The following UMAD1 variants were observed in gnomAD, a reference collection of about 807,000 sequenced individuals.
UMAD1 encodes the protein UBAP1-MVB12-associated (UMA)-domain containing protein 1.
In UMAD1, 8 loss-of-function variants were observed where a neutral mutation model predicts 6.1. The observed-to-expected ratio is 1.30, with a 90% CI of 0.76 to 2.35. The LOEUF (loss-of-function observed/expected upper bound fraction) is 2.35. UMAD1 is among the 30% of genes most tolerant of loss of function. The pLI, the probability that UMAD1 is intolerant of heterozygous loss-of-function variation, is 0.00. For synonymous variants in UMAD1, 56 were observed against 31.4 expected, an observed-to-expected ratio of 1.78 and a Z score of -2.61; for missense variants, 130 against 78.4, an observed-to-expected ratio of 1.66 and a Z score of -2.49.
At chr7:7,831,714 T>A (rs1783470711) in intron 3 of UMAD1, among the ~76,000 whole-genome samples, 1 of 152,310 alleles carries the variant, frequency 6.6e-6, no homozygotes, top group South Asian at 2.1e-4. Flanking sequence ...GTTGGGATAA[T>A]TGCCTTTCAT....
chr7:7,741,097 C>G (rs985486948), intron 2 of UMAD1: 1 of 152,090 alleles, frequency 6.6e-6, no homozygotes, highest in Non-Finnish European at 1.5e-5. Context: ...ATTAACGTAG[C>G]TAATAGCATG....
At chr7:7,719,015 A>G (rs180878761) in intron 2 of UMAD1, among the ~76,000 whole-genome samples, 3 of 152,274 alleles carry the variant, frequency 2.0e-5, no homozygotes, top group Admixed American at 2.0e-4. Flanking sequence ...GAAAATTGAA[A>G]TTTTAAAAAA....
At chr7:7,769,621 T>G (rs1782062627) in intron 2 of UMAD1, among the ~76,000 whole-genome samples, 1 of 152,172 alleles carries the variant, frequency 6.6e-6, no homozygotes, top group Non-Finnish European at 1.5e-5. Context: ...TATTGTGGAA[T>G]GTTTCTTTTT....
At chr7:7,806,044 A>G (rs1413835034) in intron 3 of UMAD1, among the ~76,000 whole-genome samples, 1 of 152,202 alleles carries the variant, frequency 6.6e-6, no homozygotes, top group Non-Finnish European at 1.5e-5. Flanking sequence ...TCCATCTGCC[A>G]GGTTAAAGGC....
intron 1 of UMAD1, among the ~76,000 whole-genome samples, chr7:7,665,591 A>G (rs1473504848): frequency 6.6e-6 from 1 of 152,198 alleles, no homozygotes; most frequent in African/African-American, 2.4e-5. Flanking sequence ...ATGTGTGCTT[A>G]TACTGCTGAA....
chr7:7,641,278 G>C (rs1219699948), intron 1 of UMAD1: 1 of 152,208 alleles, frequency 6.6e-6, no homozygotes, highest in Non-Finnish European at 1.5e-5. Flanking sequence ...ACCCCTCCGT[G>C]TTGGCAGCCA....
intron 2 of UMAD1, among the ~76,000 whole-genome samples, chr7:7,796,877 C>T (rs1288383933): frequency 6.6e-6 from 1 of 152,126 alleles, no homozygotes; most frequent in Non-Finnish European, 1.5e-5. Flanking sequence ...AAAAACCCTA[C>T]CCCCAAACTC....
intron 2 of UMAD1, among the ~76,000 whole-genome samples, chr7:7,768,844 G>A (rs371625203): frequency 7.9e-5 from 12 of 152,014 alleles, no homozygotes; most frequent in African/African-American, 1.9e-4. Context: ...GACAGTAAGC[G>A]TCTTATGTTA....
chr7:7,645,534 A>G (rs1785073369), intron 1 of UMAD1, among the ~76,000 whole-genome samples: 1 of 152,164 alleles, frequency 6.6e-6, no homozygotes. Flanking sequence ...AGAGAAGTGG[A>G]CCCGCATTCA....
At chr7:7,822,815 G>T (rs1783265508) in intron 3 of UMAD1, among the ~76,000 whole-genome samples, 3 of 151,800 alleles carry the variant, frequency 2.0e-5, no homozygotes, top group Non-Finnish European at 4.4e-5. Flanking sequence ...AGACTTCTAT[G>T]AAGACGAAAA....
At chr7:7,797,814 C>T (rs1478539131) in intron 2 of UMAD1, among the ~76,000 whole-genome samples, 1 of 151,882 alleles carries the variant, frequency 6.6e-6, no homozygotes. Context: ...TCAGCCTCCC[C>T]AGTAGCTAGG....
intron 2 of UMAD1, among the ~76,000 whole-genome samples, chr7:7,787,079 C>T (rs547141760): frequency 2.6e-5 from 4 of 152,118 alleles, no homozygotes; most frequent in African/African-American, 9.7e-5. Flanking sequence ...TTTCACTAAA[C>T]CTGCCCCCTA....
intron 3 of UMAD1, among the ~76,000 whole-genome samples, chr7:7,867,797 T>TA (rs1784260274): frequency 1.3e-5 from 2 of 152,116 alleles, no homozygotes; most frequent in African/African-American, 4.8e-5. Flanking sequence ...AGTCGAATTT[T>TA]AAAAAATGGT....
chr7:7,716,123 G>A (rs1283343225), intron 2 of UMAD1, among the ~76,000 whole-genome samples: 1 of 152,066 alleles, frequency 6.6e-6, no homozygotes, highest in Non-Finnish European at 1.5e-5. Flanking sequence ...AGAAAAGGAT[G>A]GATCTAAATA....
At chr7:7,668,592 A>G (rs1337733245) in intron 1 of UMAD1, among the ~76,000 whole-genome samples, 1 of 152,208 alleles carries the variant, frequency 6.6e-6, no homozygotes, top group African/African-American at 2.4e-5. Context: ...ACTTTAAGTG[A>G]AACAACATGT....
chr7:7,790,492 A>G (rs1001255123), intron 2 of UMAD1, among the ~76,000 whole-genome samples: 7 of 152,294 alleles, frequency 4.6e-5, no homozygotes, highest in African/African-American at 1.2e-4. Flanking sequence ...CTAAACTTGG[A>G]TTCAGGCCCA....
chr7:7,678,455 TAATA>T (rs1466252497), intron 2 of UMAD1, among the ~76,000 whole-genome samples: 1 of 142,228 alleles, frequency 7.0e-6, no homozygotes, highest in Non-Finnish European at 1.5e-5. Context: ...TAATTTTATA[TAATA>T]AATATATATT....
intron 3 of UMAD1, among the ~76,000 whole-genome samples, chr7:7,832,815 T>A (rs1306031055): frequency 6.6e-6 from 1 of 151,962 alleles, no homozygotes; most frequent in Non-Finnish European, 1.5e-5. Context: ...TTCTACAGAG[T>A]GCAGGTGGGA....
At chr7:7,849,854 T>G (rs1783879764) in intron 3 of UMAD1, among the ~76,000 whole-genome samples, 1 of 152,164 alleles carries the variant, frequency 6.6e-6, no homozygotes, top group Admixed American at 6.6e-5. Flanking sequence ...CAGGCCTCTC[T>G]GAGTGGTTTT....
Sources: gnomAD v4.1 joint callset for allele counts (sites outside exome capture counted in the v4.1 genomes callset) on GRCh38, gnomAD v4.1.1 for gene constraint, MANE v1.5 for transcripts, NCBI Gene and HGNC (gene_info 2026-07-23, HGNC 2026-07-21) for gene names.